The following SLC35F3 variants were observed in gnomAD, a reference collection of about 807,000 sequenced individuals.
SLC35F3 encodes putative thiamine transporter SLC35F3.
SLC35F3 carries 25 observed loss-of-function variants against 49.9 expected under a neutral mutation model. The observed-to-expected ratio is 0.50, with a 90% CI of 0.37 to 0.70. The LOEUF is 0.70. Among genes scored for constraint, SLC35F3 ranks in the 30% least tolerant of loss-of-function variants. The probability of loss-of-function intolerance (pLI) is 0.00; values close to 1 mark genes in which losing one functional copy is unlikely to be tolerated. For missense variants in SLC35F3, 525 were observed against 639.8 expected (o/e 0.82, Z 1.94); for synonymous variants, 275 against 265.4 (o/e 1.04, Z -0.35).
At chr1:234,142,627 C>T (rs1440164385) in intron 2 of SLC35F3, among the ~76,000 whole-genome samples, 2 of 151,938 alleles carry the variant, frequency 1.3e-5, no homozygotes, top group Admixed American at 6.6e-5. Flanking sequence ...TGGGGTCAGG[C>T]TCTGTGCCTT....
intron 3 of SLC35F3, among the ~76,000 whole-genome samples, chr1:234,239,370 A>G (rs79906338): frequency 1.4e-3 from 214 of 152,312 alleles, no homozygotes; most frequent in African/African-American, 5.0e-3. Context: ...TCCTATCCCA[A>G]TGTAAGAAAT....
intron 2 of SLC35F3, among the ~76,000 whole-genome samples, chr1:234,132,366 A>G (rs1466312373): frequency 6.6e-6 from 1 of 152,244 alleles, no homozygotes; most frequent in Non-Finnish European, 1.5e-5. Flanking sequence ...AAGCACTAGT[A>G]TACATCCATA....
intron 3 of SLC35F3, among the ~76,000 whole-genome samples, chr1:234,277,147 A>G (rs1480232661): frequency 6.6e-6 from 1 of 152,190 alleles, no homozygotes; most frequent in Non-Finnish European, 1.5e-5. Context: ...TCTTCACAAA[A>G]CCATCATCCA....
intron 2 of SLC35F3, among the ~76,000 whole-genome samples, chr1:233,950,457 TTTCCTTCCTTCCTTCC>T (rs374073382): frequency 2.4e-5 from 3 of 127,314 alleles, no homozygotes; most frequent in South Asian, 2.8e-4. Flanking sequence ...TCCTTCCTTC[TTTCCTTCCTTCCTTCC>T]TTCCTTCCTT....
At chr1:234,296,266 G>A (rs1232592757) in intron 3 of SLC35F3, among the ~76,000 whole-genome samples, 5 of 151,484 alleles carry the variant, frequency 3.3e-5, no homozygotes, top group Non-Finnish European at 7.4e-5. Flanking sequence ...TACGTCCATC[G>A]CAAAAAAATC....
chr1:233,922,817 T>G (rs1662087927), intron 2 of SLC35F3, among the ~76,000 whole-genome samples: 2 of 152,222 alleles, frequency 1.3e-5, no homozygotes, highest in African/African-American at 2.4e-5. Context: ...CTTGAATTAA[T>G]TTTTGTATAA....
At chr1:234,195,708 A>G (rs7539531) in intron 2 of SLC35F3, among the ~76,000 whole-genome samples, 33,845 of 152,060 alleles carry the variant, frequency 0.22, 6,148 homozygotes, top group East Asian at 0.88. Flanking sequence ...GTTTGGCTGC[A>G]TCCTCACCCA....
At chr1:234,138,871 G>T (rs976244310) in intron 2 of SLC35F3, among the ~76,000 whole-genome samples, 65 of 152,160 alleles carry the variant, frequency 4.3e-4, no homozygotes, top group African/African-American at 1.5e-3. Context: ...TTGGAAGAAA[G>T]AATATAGCCA....
chr1:234,251,609 A>C (rs539061488), intron 3 of SLC35F3, among the ~76,000 whole-genome samples: 1 of 152,332 alleles, frequency 6.6e-6, no homozygotes, highest in African/African-American at 2.4e-5. Context: ...ATGTTAATTT[A>C]TAAACTGAGT....
intron 2 of SLC35F3, among the ~76,000 whole-genome samples, chr1:233,997,427 G>A (rs952773622): frequency 1.3e-5 from 2 of 152,132 alleles, no homozygotes; most frequent in African/African-American, 2.4e-5. Context: ...TCTTTTTGAT[G>A]ATAGTCACTC....
At chr1:234,242,755 A>G (rs942757961) in intron 3 of SLC35F3, among the ~76,000 whole-genome samples, 2 of 152,202 alleles carry the variant, frequency 1.3e-5, no homozygotes, top group African/African-American at 4.8e-5. Context: ...TTCTTACCTA[A>G]GTGCCTTATT....
chr1:234,178,608 A>C (rs1007454108), intron 2 of SLC35F3, among the ~76,000 whole-genome samples: 1 of 152,068 alleles, frequency 6.6e-6, no homozygotes, highest in Admixed American at 6.5e-5. Context: ...GCTACCATTC[A>C]TGAACCCATA....
chr1:233,905,743 G>A lies in SLC35F3; in HGVS notation c.268G>A (p.Ala90Thr). Residue 90 changes from alanine to threonine, a missense_variant, in exon 2 of 8, where the codon GCA (alanine) becomes ACA (threonine). Physicochemically the swap from Ala to Thr is moderately conservative, Grantham distance 58. This residue lies in a region of SLC35F3 where 228 missense variants were observed against 218.9 expected (regional missense o/e 1.04). Coordinates refer to ENST00000366618, the MANE Select transcript of SLC35F3 (RefSeq NM_173508.4). ...TGGCTACTATGGCTACCAGCCCTGG[G>A]CAGCGAGCTGCAAAAGTAAGACCCC... ...ITGYYGYQPWAASCKREERPR... is the reference protein window; with the variant it reads ...ITGYYGYQPWTASCKREERPR... 6.2e-7 allele frequency: 1 copy of A among 1,611,768 alleles called. No homozygotes were observed. Among genetic ancestry groups the A allele is most frequent in the Non-Finnish European group, 8.5e-7 (1 of 1,178,346 alleles).
intron 3 of SLC35F3, among the ~76,000 whole-genome samples, chr1:234,302,349 C>T (rs1321423230): frequency 6.6e-6 from 1 of 152,034 alleles, no homozygotes; most frequent in Non-Finnish European, 1.5e-5. Context: ...AAGATGAACA[C>T]CCAAAAGTGC....
chr1:233,958,295 G>A (rs1162744270), intron 2 of SLC35F3, among the ~76,000 whole-genome samples: 2 of 152,198 alleles, frequency 1.3e-5, no homozygotes, highest in Admixed American at 1.3e-4. Flanking sequence ...CTGAACATAG[G>A]TTTTGGTTTA....
chr1:234,099,712 A>T (rs2102881732), intron 2 of SLC35F3, among the ~76,000 whole-genome samples: 1 of 152,146 alleles, frequency 6.6e-6, no homozygotes, highest in East Asian at 1.9e-4. Context: ...CTTCCAACAC[A>T]GCCACCTTCC....
intron 2 of SLC35F3, among the ~76,000 whole-genome samples, chr1:233,997,737 A>G (rs1197604719): frequency 6.6e-6 from 1 of 151,464 alleles, no homozygotes; most frequent in African/African-American, 2.4e-5. Context: ...AACTGCTAAC[A>G]TGTTCATATT....
At chr1:234,119,484 A>G (rs1199082251) in intron 2 of SLC35F3, among the ~76,000 whole-genome samples, 3 of 152,182 alleles carry the variant, frequency 2.0e-5, no homozygotes, top group Non-Finnish European at 2.9e-5. Context: ...CCGCCGTTGG[A>G]TAGACATTTC....
chr1:233,965,481 GT>G (rs1298837302), intron 2 of SLC35F3, among the ~76,000 whole-genome samples: 1 of 152,156 alleles, frequency 6.6e-6, no homozygotes, highest in Admixed American at 6.5e-5. Context: ...GTAAGGTTTT[GT>G]TTTGGTTGCC....
Sources: gnomAD v4.1 joint callset for allele counts (sites outside exome capture counted in the v4.1 genomes callset) on GRCh38, gnomAD v4.1.1 for gene constraint, gnomAD v4.1.1 regional missense constraint, MANE v1.5 for transcripts, NCBI Gene and HGNC (gene_info 2026-07-23, HGNC 2026-07-21) for gene names.